Variants in HCK observed in about 807,000 individuals in gnomAD.
The protein encoded by HCK is tyrosine-protein kinase HCK.
Under a neutral mutation model 70.4 loss-of-function variants are expected in HCK, and 40 were observed. The ratio of observed to expected loss-of-function variants is 0.57; its 90% CI spans 0.44 to 0.74. The LOEUF (loss-of-function observed/expected upper bound fraction) is 0.74, where lower values mean the gene tolerates loss of function less well. Among genes scored for constraint, HCK ranks in the 30% least tolerant of loss-of-function variants. The pLI is 0.00. For synonymous variants in HCK, 245 were observed against 263.2 expected (o/e 0.93, Z 0.67); for missense variants, 568 against 697.2 (o/e 0.81, Z 2.09).
intron 10 of HCK, 52 bp from the exon 11 acceptor site, chr20:32,093,811 A>G (rs1248799883): frequency 3.2e-6 from 5 of 1,549,016 alleles, no homozygotes; most frequent in African/African-American, 2.8e-5. Context: ...GGGTGGGGCC[A>G]TCTTGGCGTA....
Position 32,071,746 on chromosome 20 carries a change from T to C in HCK, c.147T>C (p.Pro49=), listed in dbSNP as rs974172060. 17 of 1,613,894 alleles carry C rather than the reference T, an allele frequency of 1.1e-5. No individual in the cohort carries two copies. The highest frequency in any genetic ancestry group is 1.3e-5 in the Non-Finnish European group (15 of 1,180,000). Residue 49 remains proline, a synonymous_variant, in exon 2 of 13, where the codon CCT becomes CCC. Coordinates refer to ENST00000375852, the MANE Select transcript of HCK (RefSeq NM_002110.5). ...AAACCAGCGCCAGCCCACACTGTCCTGTGTACGTGCCGGATCCCACATCCA... is the reference window on the plus strand; with the variant it reads ...AAACCAGCGCCAGCCCACACTGTCCCGTGTACGTGCCGGATCCCACATCCA...
chr20:32,054,591 G>A (rs1447731621), intron 1 of HCK, among the ~76,000 whole-genome samples: 1 of 148,534 alleles, frequency 6.7e-6, no homozygotes, highest in African/African-American at 2.5e-5. Context: ...CGGATCACGA[G>A]GTCAGGAGAT....
At chr20:32,083,219 C>T (rs985109553) in intron 6 of HCK, among the ~76,000 whole-genome samples, 2 of 152,184 alleles carry the variant, frequency 1.3e-5, no homozygotes, top group Non-Finnish European at 1.5e-5. Flanking sequence ...ACTGGGGCTA[C>T]CTGGATCATC....
At chr20:32,072,518 G>C (rs1354413153) in intron 2 of HCK, 1 of 129,112 alleles carries the variant, frequency 7.7e-6, no homozygotes, top group Non-Finnish European at 1.5e-5. Context: ...CTATGATCAC[G>C]CCACTGCACT....
chr20:32,092,674 C>T (rs917375785), intron 10 of HCK, among the ~76,000 whole-genome samples: 4 of 151,972 alleles, frequency 2.6e-5, no homozygotes, highest in South Asian at 2.1e-4. Flanking sequence ...TCATGATTGG[C>T]GGCCTCCCTC....
Position 32,101,381 on chromosome 20 carries a change from C to T in HCK, c.1443C>T (p.Asn481=), listed in dbSNP as rs1473526761. The T allele has an allele frequency of 6.2e-7, 1 of 1,614,238 alleles. No individual in the cohort carries two copies. Among genetic ancestry groups the T allele is most frequent in the Admixed American group, 1.7e-5 (1 of 60,024 alleles). ...GATACCGGATGCCTCGCCCAGAGAA[C>T]TGCCCAGAGGAGCTCTACAACATCA... Residue 481 remains asparagine (N), a synonymous_variant, in exon 13 of 13, where the codon AAC becomes AAT. Coordinates refer to ENST00000375852, the MANE Select transcript of HCK (RefSeq NM_002110.5).
chr20:32,062,099 C>T (rs2045388081), intron 1 of HCK, among the ~76,000 whole-genome samples: 1 of 151,936 alleles, frequency 6.6e-6, no homozygotes, highest in Non-Finnish European at 1.5e-5. Context: ...GCCACCATGC[C>T]CGCCTAATTT....
In HCK at chr20:32,052,357, C is replaced by A; in HGVS notation, c.-68C>A. 8.7e-7 allele frequency: 1 copy of A among 1,150,890 alleles called. No individual in the cohort carries two copies. The highest frequency in any genetic ancestry group is 1.1e-6 in the Non-Finnish European group (1 of 888,482). The allele number at this position is 1,150,890 out of a possible 1,614,324, so 71.3% of individuals were successfully genotyped here. A position where few individuals can be genotyped will look rare whatever the true frequency, so the allele number is the denominator to read the frequency against. On this transcript the variant is annotated 5_prime_UTR_variant, in exon 1 of 13. Transcript: ENST00000375852. ...GGCACCAAAGCCCCTCAGAGCGTCG[C>A]CCCCGCCTCTAGTTCTAGAAAGTCA...
At chr20:32,068,431 C>T (rs931833211) in intron 1 of HCK, among the ~76,000 whole-genome samples, 4 of 150,828 alleles carry the variant, frequency 2.7e-5, no homozygotes, top group Admixed American at 1.3e-4. Flanking sequence ...AATAAAATTT[C>T]AATTTTAATT....
At chr20:32,076,407 C>T (rs1053271382) in intron 5 of HCK, among the ~76,000 whole-genome samples, 1 of 152,194 alleles carries the variant, frequency 6.6e-6, no homozygotes, top group Non-Finnish European at 1.5e-5. Flanking sequence ...TTCTTCCAGG[C>T]TTTGCCCTGG....
chr20:32,065,338 A>G (rs1383327542), intron 1 of HCK, among the ~76,000 whole-genome samples: 1 of 152,240 alleles, frequency 6.6e-6, no homozygotes, highest in Admixed American at 6.5e-5. Flanking sequence ...TGCAAGAATC[A>G]GTGGAGACTT....
intron 1 of HCK, among the ~76,000 whole-genome samples, chr20:32,065,128 G>A (rs1300807147): frequency 6.6e-6 from 1 of 152,226 alleles, no homozygotes; most frequent in Non-Finnish European, 1.5e-5. Context: ...ACTTGCTCAA[G>A]GTCACATACC....
At chr20:32,065,596 C>T (rs2045443715) in intron 1 of HCK, among the ~76,000 whole-genome samples, 1 of 152,230 alleles carries the variant, frequency 6.6e-6, no homozygotes. Flanking sequence ...CAGGTTCCTA[C>T]ATCTCAACAA....
Position 32,084,655 on chromosome 20 carries a change from G to A in HCK, c.835+112G>A, listed in dbSNP as rs77236395. The A allele has an allele frequency of 3.9e-3, 3,844 of 977,192 alleles. 101 individuals carry two copies. The African/African-American group carries it at 0.057, about 14-fold the overall frequency. 60.5% of individuals were successfully genotyped at this position (977,192 alleles called of 1,614,324 possible). A position where few individuals can be genotyped will look rare whatever the true frequency, so the allele number is the denominator to read the frequency against. On this transcript the variant is annotated intron_variant, in intron 8 of 12. Coordinates refer to ENST00000375852, the MANE Select transcript of HCK (RefSeq NM_002110.5). Reference sequence around the variant, plus strand: ...CGGGAATGCTACCCAAGGCAGAGGGGGAGATTTAAATAATAGCCATAAAGA... The same window carrying A: ...CGGGAATGCTACCCAAGGCAGAGGGAGAGATTTAAATAATAGCCATAAAGA...
chr20:32,059,511 CTTT>C (rs10557922), intron 1 of HCK, among the ~76,000 whole-genome samples: 124,343 of 147,022 alleles, frequency 0.85, 52,282 homozygotes, highest in East Asian at 1. Flanking sequence ...CTCTCTCTCT[CTTT>C]TTTTTTTCTT....
intron 5 of HCK, among the ~76,000 whole-genome samples, chr20:32,079,083 A>G (rs1423274335): frequency 6.6e-6 from 1 of 152,188 alleles, no homozygotes; most frequent in African/African-American, 2.4e-5. Context: ...TCCTCACCCC[A>G]GTGAAGGTGG....
intron 1 of HCK, among the ~76,000 whole-genome samples, chr20:32,053,637 CAAA>C (rs1160849578): frequency 1.8e-4 from 11 of 60,788 alleles, no homozygotes; most frequent in Admixed American, 2.0e-4. Context: ...GACTCTGTCT[CAAA>C]AAAAAAAAAA....
intron 10 of HCK, among the ~76,000 whole-genome samples, chr20:32,090,469 A>G (rs955466422): frequency 3.3e-5 from 5 of 151,720 alleles, no homozygotes; most frequent in African/African-American, 1.2e-4. Context: ...AATGTTATTC[A>G]GTAGCTGCAT....
intron 1 of HCK, among the ~76,000 whole-genome samples, chr20:32,066,387 C>G (rs1027905162): frequency 1.5e-5 from 2 of 130,498 alleles, no homozygotes; most frequent in South Asian, 2.7e-4. Flanking sequence ...TCTTGGCTCA[C>G]TGCAACCTCT....
Sources: allele counts gnomAD v4.1 joint callset (sites outside exome capture counted in the v4.1 genomes callset), GRCh38; gene constraint gnomAD v4.1.1; transcripts MANE v1.5; gene names NCBI Gene and HGNC (gene_info 2026-07-23, HGNC 2026-07-21).